APBA2: variants seen among roughly 807,000 people sequenced by gnomAD.
APBA2 encodes amyloid-beta A4 precursor protein-binding family A member 2.
APBA2 carries 30 observed loss-of-function variants against 75.0 expected under a neutral mutation model. The observed-to-expected ratio is 0.40, with a 90% CI of 0.30 to 0.54. APBA2 has a LOEUF of 0.54. Ranked by LOEUF, APBA2 falls within the 20% of genes least tolerant of loss-of-function variation. The pLI, the probability that APBA2 is intolerant of heterozygous loss-of-function variation, is 0.49. For synonymous variants in APBA2, 444 were observed against 409.6 expected, an observed-to-expected ratio of 1.08 and a Z score of -1.01; for missense variants, 801 against 1,016.1, an observed-to-expected ratio of 0.79 and a Z score of 2.88.
At chr15:28,957,452 T>C (rs1026791870) in intron 2 of APBA2, among the ~76,000 whole-genome samples, 3 of 152,236 alleles carry the variant, frequency 2.0e-5, no homozygotes, top group African/African-American at 7.2e-5. Flanking sequence ...GGTGATTCTA[T>C]TTTTAATGTT....
chr15:29,111,739 G>C (rs2152980192), intron 13 of APBA2, among the ~76,000 whole-genome samples: 1 of 152,224 alleles, frequency 6.6e-6, no homozygotes, highest in South Asian at 2.1e-4. Context: ...TGTCACAGTG[G>C]CTGCCACTTG....
intron 3 of APBA2, among the ~76,000 whole-genome samples, chr15:29,037,898 T>C (rs775491153): frequency 6.6e-6 from 1 of 152,148 alleles, no homozygotes; most frequent in Non-Finnish European, 1.5e-5. Context: ...ATGGCATTAA[T>C]CCATTCCTGA....
intron 2 of APBA2, among the ~76,000 whole-genome samples, chr15:28,994,880 C>G (rs568935039): frequency 6.6e-6 from 1 of 152,324 alleles, no homozygotes; most frequent in Middle Eastern, 3.4e-3. Context: ...CGCAGCCATT[C>G]GTGAAGGGCT....
chr15:28,954,266 G>A (rs182332447), intron 2 of APBA2, among the ~76,000 whole-genome samples: 5 of 152,214 alleles, frequency 3.3e-5, no homozygotes, highest in Non-Finnish European at 5.9e-5. Flanking sequence ...TCCCACCCAA[G>A]TCTGTGTCTG....
rs766483232 is a variant in APBA2, at chr15:29,114,003, A to C, written c.2165A>C (p.Asn722Thr). The C allele has an allele frequency of 6.2e-7, 1 of 1,613,784 alleles. No homozygotes were observed. Among genetic ancestry groups the C allele is most frequent in the Admixed American group, 1.7e-5 (1 of 60,004 alleles). ...AHEKIVQALS[N>T]SVGEIHMKTM... is the part of the protein sequence containing the mutation. ...GAGAAGATAGTCCAAGCTCTGTCCA[A>C]CTCGGTCGGAGAGGTAAGGAGGGAC... The change falls in exon 14 of 15, where the codon AAC becomes ACC. Residue 722 changes from asparagine to threonine, a missense_variant. Physicochemically the swap from Asn to Thr is moderately conservative, Grantham distance 65. Around this residue, in one of 2 missense-constraint regions of APBA2, gnomAD observed 367 missense variants for 544.5 expected, o/e 0.67. Transcript: ENST00000683413.
intron 3 of APBA2, among the ~76,000 whole-genome samples, chr15:29,014,823 C>T (rs1348905813): frequency 3.3e-5 from 5 of 151,944 alleles, no homozygotes; most frequent in East Asian, 1.9e-4. Flanking sequence ...ATCCTCCTGC[C>T]TGTCTCCTGA....
chr15:29,106,949 C>T (rs1018477471), intron 12 of APBA2, 130 bp downstream of exon 12: 3 of 799,876 alleles, frequency 3.8e-6, no homozygotes, highest in African/African-American at 1.7e-5. Context: ...CAGGGAGACC[C>T]ACCCGGTGAC....
intron 2 of APBA2, among the ~76,000 whole-genome samples, chr15:28,932,434 A>G (rs1473810334): frequency 6.6e-6 from 1 of 152,178 alleles, no homozygotes; most frequent in African/African-American, 2.4e-5. Flanking sequence ...CACATGCAGG[A>G]TGTGACAATG....
intron 4 of APBA2, among the ~76,000 whole-genome samples, chr15:29,068,828 C>A (rs997401163): frequency 6.6e-6 from 1 of 152,192 alleles, no homozygotes; most frequent in Non-Finnish European, 1.5e-5. Context: ...AGAGGGCTCT[C>A]TTTACTCTTG....
intron 1 of APBA2, among the ~76,000 whole-genome samples, chr15:28,912,640 C>G (rs562488328): frequency 2.0e-5 from 3 of 152,358 alleles, no homozygotes; most frequent in Admixed American, 2.0e-4. Flanking sequence ...GAGGTTGTGT[C>G]TGTTCTTTAC....
intron 2 of APBA2, among the ~76,000 whole-genome samples, chr15:28,983,916 G>A (rs935516762): frequency 6.6e-6 from 1 of 152,206 alleles, no homozygotes; most frequent in African/African-American, 2.4e-5. Flanking sequence ...CTTGAGTCCT[G>A]CTGAGGTATA....
chr15:29,028,198 T>C (rs2040321849), intron 3 of APBA2, among the ~76,000 whole-genome samples: 1 of 150,316 alleles, frequency 6.7e-6, no homozygotes, highest in Admixed American at 6.6e-5. Flanking sequence ...TTCCCCTCCC[T>C]GTGTCCATGT....
At chr15:28,908,159 G>A (rs985827305) in intron 1 of APBA2, among the ~76,000 whole-genome samples, 10 of 152,138 alleles carry the variant, frequency 6.6e-5, no homozygotes, top group African/African-American at 2.4e-4. Flanking sequence ...TGTGGGCCTG[G>A]ATAAGAGGTT....
intron 3 of APBA2, among the ~76,000 whole-genome samples, chr15:29,039,641 G>A (rs1419213227): frequency 6.6e-6 from 1 of 152,146 alleles, no homozygotes; most frequent in Non-Finnish European, 1.5e-5. Flanking sequence ...ACCACAGCCT[G>A]CCAGTTTTCG....
At chr15:28,958,072 C>T (rs150542179) in intron 2 of APBA2, among the ~76,000 whole-genome samples, 146 of 152,276 alleles carry the variant, frequency 9.6e-4, no homozygotes, top group African/African-American at 3.3e-3. Flanking sequence ...GTAGTATTTT[C>T]GATGCTCCTG....
At chr15:29,075,689 G>A (rs1595899830) in intron 5 of APBA2, among the ~76,000 whole-genome samples, 1 of 152,280 alleles carries the variant, frequency 6.6e-6, no homozygotes, top group Middle Eastern at 3.4e-3. Context: ...ATGAAATAAC[G>A]ATGGCCACCG....
intron 2 of APBA2, among the ~76,000 whole-genome samples, chr15:28,994,948 T>C (rs546805595): frequency 1.3e-5 from 2 of 152,280 alleles, no homozygotes; most frequent in South Asian, 4.2e-4. Context: ...ATTACTATCC[T>C]TTTTGAAAGG....
chr15:28,892,787 G>A (rs1163965535), intron 1 of APBA2, among the ~76,000 whole-genome samples: 2 of 152,128 alleles, frequency 1.3e-5, no homozygotes, highest in African/African-American at 4.8e-5. Flanking sequence ...CCGAACTGTT[G>A]TATGCATTGT....
intron 3 of APBA2, among the ~76,000 whole-genome samples, chr15:29,024,326 C>G (rs956810191): frequency 2.0e-5 from 3 of 152,206 alleles, no homozygotes; most frequent in African/African-American, 7.2e-5. Flanking sequence ...TAACAGCATT[C>G]ACAGTAATTC....
Sources: allele counts gnomAD v4.1 joint callset (sites outside exome capture counted in the v4.1 genomes callset), GRCh38; gene constraint gnomAD v4.1.1; regional missense constraint gnomAD v4.1.1; transcripts MANE v1.5; gene names NCBI Gene and HGNC (gene_info 2026-07-23, HGNC 2026-07-21).